The following ALMS1 variants were observed in gnomAD, a reference collection of about 807,000 sequenced individuals.
ALMS1 encodes the protein centrosome-associated protein ALMS1.
In ALMS1, 271 loss-of-function variants were observed where a neutral mutation model predicts 352.2. The ratio of observed to expected loss-of-function variants is 0.77; its 90% confidence interval spans 0.70 to 0.85. The LOEUF is 0.85. Among genes scored for constraint, ALMS1 ranks in the 40% least tolerant of loss-of-function variants. ALMS1 has a pLI of 0.00. For synonymous variants in ALMS1, 1,865 were observed against 1,761.2 expected, an observed-to-expected ratio of 1.06 and a Z score of -1.48; for missense variants, 5,445 against 4,870.7, an observed-to-expected ratio of 1.12 and a Z score of -3.51.
intron 10 of ALMS1, among the ~76,000 whole-genome samples, chr2:73,506,463 T>C (rs975745312): frequency 1.3e-5 from 2 of 152,210 alleles, no homozygotes; most frequent in African/African-American, 4.8e-5. Flanking sequence ...CTTATTTCCT[T>C]GAGCAGTGGT....
At chr2:73,539,210 A>C (rs1445205205) in intron 12 of ALMS1, among the ~76,000 whole-genome samples, 1 of 152,178 alleles carries the variant, frequency 6.6e-6, no homozygotes, top group Non-Finnish European at 1.5e-5. Context: ...ATCAGGCGGC[A>C]ACATTTGCTG....
chr2:73,461,038 C>A (rs909328347), intron 9 of ALMS1, among the ~76,000 whole-genome samples: 4 of 152,220 alleles, frequency 2.6e-5, no homozygotes, highest in Admixed American at 2.0e-4. Flanking sequence ...CAAAAGGCAG[C>A]AGTAACCTCT....
intron 9 of ALMS1, among the ~76,000 whole-genome samples, chr2:73,466,273 G>C (rs963378085): frequency 2.0e-5 from 3 of 151,938 alleles, no homozygotes; most frequent in Admixed American, 2.0e-4. Context: ...AGAAAATGTG[G>C]CACATATACA....
At chr2:73,526,211 T>C (rs188604283) in intron 11 of ALMS1, among the ~76,000 whole-genome samples, 3 of 152,306 alleles carry the variant, frequency 2.0e-5, no homozygotes, top group African/African-American at 7.2e-5. Context: ...TTAGGTATTG[T>C]GATTCCTCCA....
chr2:73,589,562 C>A (rs1048863049), intron 16 of ALMS1, among the ~76,000 whole-genome samples: 6 of 152,158 alleles, frequency 3.9e-5, no homozygotes, highest in Non-Finnish European at 8.8e-5. Flanking sequence ...TTACAAAATA[C>A]ATATTTTTTA....
intron 5 of ALMS1, 67 bp downstream of exon 5, chr2:73,424,969 G>A (rs928878428): frequency 7.1e-7 from 1 of 1,399,116 alleles, no homozygotes; most frequent in Non-Finnish European, 9.7e-7. Flanking sequence ...CCCAAGGGAA[G>A]TAACAATTTT....
At chr2:73,517,246 C>CCTTTTTTTTTT (rs1673577918) in intron 10 of ALMS1, among the ~76,000 whole-genome samples, 1 of 105,000 alleles carries the variant, frequency 9.5e-6, no homozygotes, top group Non-Finnish European at 1.7e-5. Flanking sequence ...AAGTTTTAGT[C>CCTTTTTTTTTT]TTTTTTTTTT....
intron 10 of ALMS1, among the ~76,000 whole-genome samples, chr2:73,492,256 G>A (rs1382184591): frequency 6.6e-6 from 1 of 152,102 alleles, no homozygotes; most frequent in Non-Finnish European, 1.5e-5. Context: ...TCGTACCACA[G>A]TGGAGAGCGC....
intron 16 of ALMS1, among the ~76,000 whole-genome samples, chr2:73,590,031 T>C (rs1029186848): frequency 3.3e-5 from 5 of 151,984 alleles, no homozygotes; most frequent in African/African-American, 7.2e-5. Flanking sequence ...TTCTATACCA[T>C]GGGAAGATAG....
chr2:73,503,513 G>T (rs558698732), intron 10 of ALMS1, among the ~76,000 whole-genome samples: 1 of 152,216 alleles, frequency 6.6e-6, no homozygotes, highest in Non-Finnish European at 1.5e-5. Flanking sequence ...GGACATTTGG[G>T]TTGGTTCCAA....
At position 73,556,260 on chromosome 2, in the gene ALMS1, TAAG is replaced by T. The variant is rs200875457; in HGVS notation, c.10079-956_10079-954del. Among the ~76,000 whole-genome samples the T allele has an allele frequency of 5.6e-3, 849 of 152,242 alleles. 9 individuals are homozygous for T. Among genetic ancestry groups the T allele is most frequent in the Admixed American group, 0.015 (229 of 15,288 alleles). ...AAAGAGATTAGGAGGATTGAAGTAATAAGAAGTAAGAAAAATGTGTGAATTTAA... is the reference window on the plus strand; with the variant it reads ...AAAGAGATTAGGAGGATTGAAGTAATAAGTAAGAAAAATGTGTGAATTTAA... On this transcript the variant is annotated intron_variant, in intron 13 of 22. Transcript: ENST00000613296.
At chr2:73,583,645 T>C (rs964124105) in intron 16 of ALMS1, among the ~76,000 whole-genome samples, 1 of 152,244 alleles carries the variant, frequency 6.6e-6, no homozygotes, top group Non-Finnish European at 1.5e-5. Flanking sequence ...TTAACCCATT[T>C]TGAGTTAATT....
At position 73,453,139 on chromosome 2, in the gene ALMS1, G is replaced by C. The variant is rs758379924; in HGVS notation, c.6612G>C (p.Arg2204Ser). ...NHKLVSEHVQ[R>S]LIDNLNSSDS... ...AGCTTGTTTCAGAACATGTCCAAAG[G>C]CTAATAGATAATTTGAATTCTTCTG... Residue 2204 changes from arginine to serine, a missense_variant, in exon 8 of 23, where the codon AGG (arginine) becomes AGC (serine). Transcript: ENST00000613296. 13 of 1,613,968 alleles carry C rather than the reference G, an allele frequency of 8.1e-6. No homozygotes were observed. The highest frequency in any genetic ancestry group is 1.7e-4 in the Middle Eastern group (1 of 6,060).
chr2:73,540,472 G>A (rs1007518575), intron 12 of ALMS1, among the ~76,000 whole-genome samples: 1 of 152,124 alleles, frequency 6.6e-6, no homozygotes, highest in Non-Finnish European at 1.5e-5. Context: ...CAACTAACGA[G>A]CAAAATAACC....
At chr2:73,481,233 C>T (rs1461036816) in intron 9 of ALMS1, among the ~76,000 whole-genome samples, 1 of 152,036 alleles carries the variant, frequency 6.6e-6, no homozygotes, top group Non-Finnish European at 1.5e-5. Context: ...GTCTTTAATC[C>T]ATCTTGAATT....
chr2:73,463,196 C>T (rs1252864908), intron 9 of ALMS1, among the ~76,000 whole-genome samples: 24 of 152,266 alleles, frequency 1.6e-4, no homozygotes, highest in East Asian at 1.5e-3. Context: ...AAACTGACCA[C>T]GTAGTTGGAA....
chr2:73,536,374 A>T (rs1258998387), intron 12 of ALMS1, among the ~76,000 whole-genome samples: 1 of 152,150 alleles, frequency 6.6e-6, no homozygotes, highest in Non-Finnish European at 1.5e-5. Flanking sequence ...GGGAGAAGAA[A>T]ATGACTCAGG....
intron 16 of ALMS1, among the ~76,000 whole-genome samples, chr2:73,594,253 ATT>A (rs200765050): frequency 0.31 from 47,013 of 151,938 alleles, 9,070 homozygotes; most frequent in African/African-American, 0.55. Flanking sequence ...TCTGTCTTTG[ATT>A]GTCATCTTCC....
intron 15 of ALMS1, 142 bp downstream of exon 15, chr2:73,559,284 G>T: frequency 1.0e-6 from 1 of 975,906 alleles, no homozygotes; most frequent in African/African-American, 1.7e-5. Context: ...ACTTTCTTGT[G>T]TAAAGTACTT....
Sources: gnomAD v4.1 joint callset for allele counts (sites outside exome capture counted in the v4.1 genomes callset) on GRCh38, gnomAD v4.1.1 for gene constraint, MANE v1.5 for transcripts, NCBI Gene and HGNC (gene_info 2026-07-23, HGNC 2026-07-21) for gene names.